Variants in TAF3 observed in about 807,000 individuals in gnomAD.
The protein encoded by TAF3 is transcription initiation factor TFIID subunit 3.
Under a neutral mutation model 80.6 loss-of-function variants are expected in TAF3, and 7 were observed. That is an observed-to-expected ratio of 0.09 (90% CI 0.05 to 0.16). TAF3 has a LOEUF of 0.16. TAF3 is among the 10% of genes least tolerant of loss of function. The pLI is 1.00. For missense variants in TAF3, 921 were observed against 1,140.2 expected (o/e 0.81, Z 2.77); for synonymous variants, 444 against 446.1 (o/e 1.00, Z 0.06).
At chr10:8,000,422 CT>C (rs567242279) in intron 4 of TAF3, among the ~76,000 whole-genome samples, 11 of 151,456 alleles carry the variant, frequency 7.3e-5, no homozygotes, top group Non-Finnish European at 1.6e-4. Context: ...CGGCCTTTTT[CT>C]TTTTTTTATG....
intron 2 of TAF3, among the ~76,000 whole-genome samples, chr10:7,847,002 T>A (rs932443624): frequency 3.3e-5 from 5 of 152,214 alleles, no homozygotes; most frequent in Non-Finnish European, 7.3e-5. Context: ...TAGCTTTCAT[T>A]TGAATACAGT....
chr10:7,856,858 CAAAAAAAA>C (rs57207229), intron 2 of TAF3, among the ~76,000 whole-genome samples: 5 of 91,158 alleles, frequency 5.5e-5, no homozygotes, highest in Admixed American at 2.3e-4. Context: ...AGCTGGTTCT[CAAAAAAAA>C]AAAAAAAAAA....
In TAF3 at chr10:7,872,747, G is replaced by A. The variant is rs1046455866; in HGVS notation, c.409+48187G>A. Among the ~76,000 whole-genome samples the A allele has an allele frequency of 5.3e-5, 8 of 152,040 alleles. No homozygotes were observed. The South Asian group carries it at 1.0e-3, about 20-fold the overall frequency. The stretch of plus-strand genomic sequence containing the variant: ...ATTCTTTATATAATTTCTTTTTCAC[G>A]CTGCCTTAAAATCATACAATTTTGA... On this transcript the variant is annotated intron_variant, in intron 2 of 6. Transcript: ENST00000344293.
intron 2 of TAF3, among the ~76,000 whole-genome samples, chr10:7,908,291 C>T (rs1040600234): frequency 6.6e-6 from 1 of 152,142 alleles, no homozygotes; most frequent in Non-Finnish European, 1.5e-5. Context: ...AAGGCCATGG[C>T]TACTGCTTAG....
intron 2 of TAF3, among the ~76,000 whole-genome samples, chr10:7,897,023 A>C (rs1034367113): frequency 1.3e-5 from 2 of 152,212 alleles, no homozygotes; most frequent in African/African-American, 4.8e-5. Context: ...ATTCTTGACC[A>C]CATGGTCCCT....
In TAF3 at chr10:7,928,140, G is replaced by A. The variant is rs1303902130; in HGVS notation, c.410-35780G>A. Reference sequence around the variant, plus strand: ...TCTATAAGGTGGGAGTAACAACACTGATTTAGAGACCTTTGACCTTCCGCA... The same window carrying A: ...TCTATAAGGTGGGAGTAACAACACTAATTTAGAGACCTTTGACCTTCCGCA... On this transcript the variant is annotated intron_variant, in intron 2 of 6. Coordinates refer to ENST00000344293, the MANE Select transcript of TAF3 (RefSeq NM_031923.4). Among the ~76,000 whole-genome samples, 4 of 152,086 alleles carry A rather than the reference G, an allele frequency of 2.6e-5. No homozygotes were observed. The East Asian group carries it at 7.7e-4, about 29-fold the overall frequency.
At chr10:7,863,172 C>T (rs1247684299) in intron 2 of TAF3, among the ~76,000 whole-genome samples, 1 of 152,166 alleles carries the variant, frequency 6.6e-6, no homozygotes, top group East Asian at 1.9e-4. Context: ...TGATTCTTGA[C>T]ACTGAGTTCT....
intron 2 of TAF3, among the ~76,000 whole-genome samples, chr10:7,915,689 C>T (rs1837705294): frequency 7.2e-6 from 1 of 139,356 alleles, no homozygotes; most frequent in Non-Finnish European, 1.5e-5. Flanking sequence ...GTTTATAATA[C>T]CATGTAGGCT....
At chr10:7,825,671 G>A (rs192404538) in intron 2 of TAF3, among the ~76,000 whole-genome samples, 40 of 152,266 alleles carry the variant, frequency 2.6e-4, no homozygotes, top group African/African-American at 8.9e-4. Context: ...TCGGGATTTC[G>A]TTGTGTGTTT....
chr10:7,834,675 A>G lies in TAF3; in HGVS notation c.409+10115A>G, dbSNP rs149521458. 3.4e-3 allele frequency among the ~76,000 whole-genome samples: 512 copies of G among 152,314 alleles called. 4 individuals are homozygous for G. The highest frequency in any genetic ancestry group is 0.012 in the African/African-American group (481 of 41,568). ...GTTACATCCATAAATACTGTCATCC[A>G]TACTGAGAATTCTGGTTCTCAGGAA... On this transcript the variant is annotated intron_variant, in intron 2 of 6. Transcript: ENST00000344293.
intron 2 of TAF3, among the ~76,000 whole-genome samples, chr10:7,871,434 G>GATTTTTTTTTTTTTTTTTTTT (rs1837263649): frequency 1.5e-5 from 1 of 64,770 alleles, no homozygotes; most frequent in Non-Finnish European, 3.1e-5. Context: ...AATAACTGCT[G>GATTTTTTTTTTTTTTTTTTTT]CTTTTTTTTT....
chr10:7,852,231 C>A (rs1026954227), intron 2 of TAF3, among the ~76,000 whole-genome samples: 11 of 152,134 alleles, frequency 7.2e-5, no homozygotes, highest in Non-Finnish European at 1.5e-4. Context: ...ATTACAGACG[C>A]CTGGCACCTA....
chr10:7,965,325 A>G lies in TAF3; in HGVS notation c.1815A>G (p.Lys605=). The G allele has an allele frequency of 6.2e-7, 1 of 1,604,776 alleles. No homozygotes were observed. Among genetic ancestry groups the G allele is most frequent in the South Asian group, 1.1e-5 (1 of 88,066 alleles). ...FEDVDPKVKL[K]DGLVRKEKEK... ...ATGTTGATCCCAAAGTGAAATTGAA[A>G]GATGGACTTGTGAGGAAGGAGAAAG... Residue 605 remains lysine (K), a synonymous_variant, in exon 3 of 7, where the codon AAA becomes AAG. Transcript: ENST00000344293.
chr10:7,965,111 A>G lies in TAF3; in HGVS notation c.1601A>G (p.Lys534Arg). The G allele has an allele frequency of 1.9e-6, 3 of 1,613,902 alleles. No individual in the cohort carries two copies. Among genetic ancestry groups the G allele is most frequent in the Non-Finnish European group, 2.5e-6 (3 of 1,179,956 alleles). Residue 534 changes from lysine (K) to arginine (R), a missense_variant, in exon 3 of 7, where the codon AAA (lysine) becomes AGA (arginine). Lys to Arg is a conservative substitution (Grantham distance 26, BLOSUM62 2). This residue lies in a region of TAF3 where 743 missense variants were observed against 821.0 expected (regional missense o/e 0.90). Coordinates refer to ENST00000344293, the MANE Select transcript of TAF3 (RefSeq NM_031923.4). ...AAAAAGGAACTAAAGACTAAAATGA[A>G]AAAGAAAGAAAAGCAGAGAGATAGG... is the stretch of plus-strand genomic sequence containing the variant. ...KLKKELKTKMKKKEKQRDRER... is the reference protein window; with the variant it reads ...KLKKELKTKMRKKEKQRDRER...
At chr10:7,962,402 A>G (rs1831517790) in intron 2 of TAF3, among the ~76,000 whole-genome samples, 1 of 152,046 alleles carries the variant, frequency 6.6e-6, no homozygotes, top group African/African-American at 2.4e-5. Flanking sequence ...ACTTTTCCCA[A>G]CACATACCCC....
At chr10:7,862,216 T>A (rs1837155203) in intron 2 of TAF3, among the ~76,000 whole-genome samples, 1 of 152,252 alleles carries the variant, frequency 6.6e-6, no homozygotes, top group Non-Finnish European at 1.5e-5. Context: ...CTTGGGCTCC[T>A]CTTAGTGATG....
intron 2 of TAF3, among the ~76,000 whole-genome samples, chr10:7,919,672 A>G (rs1352878425): frequency 6.6e-6 from 1 of 152,144 alleles, no homozygotes; most frequent in Non-Finnish European, 1.5e-5. Flanking sequence ...AACCTCCCAT[A>G]TACTTTAAAT....
chr10:7,998,241 C>CTA lies in TAF3; in HGVS notation c.2316-10815_2316-10814dup, dbSNP rs59519247. 8.5e-3 allele frequency among the ~76,000 whole-genome samples: 1,136 copies of CTA among 134,388 alleles called. 14 individuals are homozygous for CTA. Among genetic ancestry groups the CTA allele is most frequent in the African/African-American group, 0.028 (1,031 of 36,364 alleles). 88.2% of individuals were successfully genotyped at this position (134,388 alleles called of 152,430 possible). On this transcript the variant is annotated intron_variant, in intron 4 of 6. Coordinates refer to ENST00000344293, the MANE Select transcript of TAF3 (RefSeq NM_031923.4). ...ACTACTCAGAAAATCTGAGTGAGAA[C>CTA]TATATATATATATATATATATATGT... is the stretch of plus-strand genomic sequence containing the variant.
chr10:7,948,079 T>G (rs74947864), intron 2 of TAF3, among the ~76,000 whole-genome samples: 3 of 150,704 alleles, frequency 2.0e-5, no homozygotes, highest in Non-Finnish European at 3.0e-5. Flanking sequence ...TTTTTTTTTT[T>G]GGAGACAGGG....
Sources: allele counts gnomAD v4.1 joint callset (sites outside exome capture counted in the v4.1 genomes callset), GRCh38; gene constraint gnomAD v4.1.1; regional missense constraint gnomAD v4.1.1; transcripts MANE v1.5; gene names NCBI Gene and HGNC (gene_info 2026-07-23, HGNC 2026-07-21).